The following CDC73 variants were observed in gnomAD, a reference collection of about 807,000 sequenced individuals.
The protein encoded by CDC73 is cell division cycle 73.
CDC73 carries 21 observed loss-of-function variants against 83.7 expected under a neutral mutation model. That is an observed-to-expected ratio of 0.25 (90% CI 0.18 to 0.36). The LOEUF is 0.36. Among genes scored for constraint, CDC73 ranks in the 10% least tolerant of loss-of-function variants. The pLI is 1.00. For missense variants in CDC73, 342 were observed against 653.3 expected (o/e 0.52, Z 5.19); for synonymous variants, 224 against 212.9 (o/e 1.05, Z -0.45).
intron 10 of CDC73, among the ~76,000 whole-genome samples, chr1:193,176,599 T>G (rs1676606479): frequency 6.6e-6 from 1 of 152,238 alleles, no homozygotes; most frequent in Non-Finnish European, 1.5e-5. Context: ...CCTTCTGGGA[T>G]TAATGTCTAA....
intron 13 of CDC73, 86 bp from the exon 14 acceptor site, chr1:193,232,902 CAAAAA>C (rs201897186): frequency 1.0e-5 from 10 of 973,966 alleles, no homozygotes; most frequent in Non-Finnish European, 1.2e-5. Flanking sequence ...AACTCTGTCT[CAAAAA>C]AAAAAAATAT....
At chr1:193,181,182 AC>A in intron 10 of CDC73, 10 of 1,613,870 alleles carry the variant, frequency 6.2e-6, no homozygotes, top group Non-Finnish European at 8.5e-6. Flanking sequence ...GATGTCCAGT[AC>A]CTTTTTCATT....
intron 14 of CDC73, among the ~76,000 whole-genome samples, chr1:193,234,175 T>TCTCTCTCTCA (rs1241998258): frequency 9.9e-6 from 1 of 101,414 alleles, no homozygotes; most frequent in African/African-American, 4.2e-5. Flanking sequence ...TCTCTCTCTC[T>TCTCTCTCTCA]CACACACACA....
intron 9 of CDC73, among the ~76,000 whole-genome samples, chr1:193,151,944 TATATA>T (rs1423353911): frequency 3.3e-5 from 5 of 151,884 alleles, no homozygotes; most frequent in Non-Finnish European, 7.4e-5. Context: ...AAAGAAAAAA[TATATA>T]TGTATGTATG....
chr1:193,202,122 A>G (rs1012332577), intron 10 of CDC73, among the ~76,000 whole-genome samples: 1 of 152,120 alleles, frequency 6.6e-6, no homozygotes, highest in Non-Finnish European at 1.5e-5. Flanking sequence ...TACTCTTATT[A>G]TATAATGTCT....
At chr1:193,208,955 A>C (rs1398258974) in intron 11 of CDC73, among the ~76,000 whole-genome samples, 2 of 151,944 alleles carry the variant, frequency 1.3e-5, no homozygotes, top group African/African-American at 4.9e-5. Context: ...TGTTTGCATT[A>C]TATCTAAAGG....
At chr1:193,248,227 C>T (rs1677985962) in intron 15 of CDC73, among the ~76,000 whole-genome samples, 2 of 152,000 alleles carry the variant, frequency 1.3e-5, no homozygotes, top group African/African-American at 4.8e-5. Context: ...TCTGCCTGTG[C>T]TTTAGAAATT....
At position 193,249,691 on chromosome 1, in the gene CDC73, T is replaced by C. The variant is rs1572226179; in HGVS notation, c.1418-39T>C. 11 of 1,542,858 alleles carry C rather than the reference T, an allele frequency of 7.1e-6. 1 individual carries two copies. In the East Asian group the frequency reaches 2.3e-4, roughly 32 times the overall value. On this transcript the variant is annotated intron_variant, in intron 15 of 16. Transcript: ENST00000367435. ...AGAAATTTTTTTCTTTTTTTTTATT[T>C]TGAGTAAAAATGATAACTTCTCTCC...
At chr1:193,231,011 C>T (rs1677654488) in intron 13 of CDC73, among the ~76,000 whole-genome samples, 2 of 152,100 alleles carry the variant, frequency 1.3e-5, no homozygotes, top group African/African-American at 4.8e-5. Context: ...GTAAAAACCA[C>T]GTTAATGTTT....
At chr1:193,235,365 A>T (rs1677739013) in intron 14 of CDC73, among the ~76,000 whole-genome samples, 1 of 151,962 alleles carries the variant, frequency 6.6e-6, no homozygotes, top group Admixed American at 6.6e-5. Context: ...AGGTCATTGG[A>T]TTGTTTTGAA....
Position 193,250,880 on chromosome 1 carries a change from C to A in CDC73, c.*168C>A. The A allele has an allele frequency of 1.6e-6, 1 of 637,526 alleles. No individual in the cohort carries two copies. Among genetic ancestry groups the A allele is most frequent in the Non-Finnish European group, 2.8e-6 (1 of 356,896 alleles). The allele number at this position is 637,526 out of a possible 1,614,324, so 39.5% of individuals were successfully genotyped here. ...CCATATAAGCAAACTTTTTGGCTTA[C>A]AACTATTTTTTTAATATTAGCCTTC... On this transcript the variant is annotated 3_prime_UTR_variant, in exon 17 of 17. Transcript: ENST00000367435.
chr1:193,169,951 T>C (rs935662216), intron 10 of CDC73, among the ~76,000 whole-genome samples: 2 of 152,112 alleles, frequency 1.3e-5, no homozygotes, highest in Non-Finnish European at 2.9e-5. Context: ...CTCTCTCTGC[T>C]CTCCACCCTC....
rs1677807529 is a variant in CDC73 at position 193,238,742 on chromosome 1, G to T, written c.1417+2386G>T. Among the ~76,000 whole-genome samples the T allele has an allele frequency of 3.9e-5, 6 of 152,202 alleles. No individual in the cohort carries two copies. The South Asian group carries it at 1.0e-3, about 26-fold the overall frequency. ...TTGTATACTGTATTCTTATGATAAA[G>T]TAAGTAGAGAAAAAGAAAACGTTAA... On this transcript the variant is annotated intron_variant, in intron 15 of 16. Coordinates refer to ENST00000367435, the MANE Select transcript of CDC73 (RefSeq NM_024529.5).
intron 10 of CDC73, among the ~76,000 whole-genome samples, chr1:193,195,471 T>C (rs1480299503): frequency 6.6e-6 from 1 of 152,162 alleles, no homozygotes; most frequent in Non-Finnish European, 1.5e-5. Flanking sequence ...GGTGTAAAAA[T>C]ATCTGTTTAA....
At chr1:193,155,825 G>T (rs1366337260) in intron 10 of CDC73, among the ~76,000 whole-genome samples, 1 of 151,980 alleles carries the variant, frequency 6.6e-6, no homozygotes, top group Non-Finnish European at 1.5e-5. Context: ...TGTGGTTCAG[G>T]AATCTCATTG....
At chr1:193,125,083 TA>T (rs752574809) in intron 1 of CDC73, 28 bp from the exon 2 acceptor site, 13 of 1,124,298 alleles carry the variant, frequency 1.2e-5, no homozygotes, top group African/African-American at 1.5e-5. Context: ...GAATTGTCAG[TA>T]AAAAAAATCT....
At chr1:193,234,175 T>TCACACACA (rs71111461) in intron 14 of CDC73, among the ~76,000 whole-genome samples, 60 of 101,398 alleles carry the variant, frequency 5.9e-4, no homozygotes, top group Middle Eastern at 4.7e-3. Context: ...TCTCTCTCTC[T>TCACACACA]CACACACACA....
intron 10 of CDC73, among the ~76,000 whole-genome samples, chr1:193,163,967 G>T (rs570525456): frequency 6.6e-6 from 1 of 152,034 alleles, no homozygotes; most frequent in Admixed American, 6.6e-5. Flanking sequence ...TTTAGTAGAT[G>T]GGGTTTCGCC....
chr1:193,220,399 C>T lies in CDC73; in HGVS notation c.1154+7922C>T, dbSNP rs200677961. On this transcript the variant is annotated intron_variant, in intron 13 of 16. Transcript: ENST00000367435. Reference sequence around the variant, plus strand: ...GGCTGGTCTCAAACTCTGCCTGCCTCGGCCTCCCAAACTGCTGAGATTACA... The same window carrying T: ...GGCTGGTCTCAAACTCTGCCTGCCTTGGCCTCCCAAACTGCTGAGATTACA... Among the ~76,000 whole-genome samples, 40 of 151,810 alleles carry T rather than the reference C, an allele frequency of 2.6e-4. 1 individual carries two copies. The East Asian group carries it at 7.0e-3, about 26-fold the overall frequency.
Sources: allele counts gnomAD v4.1 joint callset (sites outside exome capture counted in the v4.1 genomes callset), GRCh38; gene constraint gnomAD v4.1.1; transcripts MANE v1.5; gene names NCBI Gene and HGNC (gene_info 2026-07-23, HGNC 2026-07-21).